ZNHIT6: variants seen among roughly 807,000 people sequenced by gnomAD.
ZNHIT6 encodes box C/D snoRNA protein 1.
ZNHIT6 carries 45 observed loss-of-function variants against 57.2 expected under a neutral mutation model. That is an observed-to-expected ratio of 0.79 (90% CI 0.62 to 1.01). The LOEUF (loss-of-function observed/expected upper bound fraction) is 1.01. ZNHIT6 is among the 50% of genes least tolerant of loss of function. The pLI is 0.00. For synonymous variants in ZNHIT6, 188 were observed against 190.0 expected (o/e 0.99, Z 0.09); for missense variants, 528 against 567.3 (o/e 0.93, Z 0.70).
At chr1:85,654,136 T>C in intron 9 of ZNHIT6, 38 bp from the exon 10 acceptor site, 2 of 1,585,758 alleles carry the variant, frequency 1.3e-6, no homozygotes, top group Non-Finnish European at 1.7e-6. Flanking sequence ...CAAGTGTTTA[T>C]ATTTTTCTGT....
At chr1:85,696,380 C>A (rs1662371357) in intron 5 of ZNHIT6, among the ~76,000 whole-genome samples, 1 of 151,946 alleles carries the variant, frequency 6.6e-6, no homozygotes, top group Non-Finnish European at 1.5e-5. Context: ...TTTCACTGAA[C>A]ATGTCATGGA....
intron 4 of ZNHIT6, among the ~76,000 whole-genome samples, chr1:85,704,326 G>T (rs1395253520): frequency 6.6e-6 from 1 of 152,054 alleles, no homozygotes; most frequent in African/African-American, 2.4e-5. Flanking sequence ...GACAAAAGTA[G>T]TGGCATTGTT....
intron 8 of ZNHIT6, among the ~76,000 whole-genome samples, chr1:85,663,511 T>C (rs565789780): frequency 1.3e-5 from 2 of 152,254 alleles, no homozygotes; most frequent in African/African-American, 2.4e-5. Context: ...TATTCTTCAA[T>C]TGATTGCTCA....
At position 85,696,898 on chromosome 1, in the gene ZNHIT6, G is replaced by A. The variant is rs541366391; in HGVS notation, c.1019+5259C>T. ...GACAGAGTCTGGCTCTGTCTCCCTG[G>A]CTGGAGTGCTGGAGTGCAGTGGCGC... On this transcript the variant is annotated intron_variant, in intron 5 of 9. Coordinates refer to ENST00000370574, the MANE Select transcript of ZNHIT6 (RefSeq NM_017953.4). Among the ~76,000 whole-genome samples, 5 of 144,308 alleles carry A rather than the reference G, an allele frequency of 3.5e-5. No homozygotes were observed. In the Admixed American group the frequency reaches 3.6e-4, roughly 10 times the overall value. The allele number at this position is 144,308 out of a possible 152,430, so 94.7% of individuals were successfully genotyped here.
chr1:85,674,922 G>A (rs1661658799), intron 8 of ZNHIT6, among the ~76,000 whole-genome samples: 1 of 152,150 alleles, frequency 6.6e-6, no homozygotes, highest in African/African-American at 2.4e-5. Context: ...GGGATACTGA[G>A]TATTTTAAAA....
At chr1:85,693,071 A>T (rs9324153) in intron 5 of ZNHIT6, among the ~76,000 whole-genome samples, 2 of 152,000 alleles carry the variant, frequency 1.3e-5, no homozygotes, top group African/African-American at 4.8e-5. Flanking sequence ...TGAAAAGTTA[A>T]GGACTTTCAG....
chr1:85,660,139 A>G (rs1443937413), intron 8 of ZNHIT6, among the ~76,000 whole-genome samples: 2 of 152,244 alleles, frequency 1.3e-5, no homozygotes, highest in African/African-American at 4.8e-5. Flanking sequence ...TTATATAAAA[A>G]AGAAAAATGA....
At chr1:85,699,123 A>G (rs917017987) in intron 5 of ZNHIT6, among the ~76,000 whole-genome samples, 2 of 152,178 alleles carry the variant, frequency 1.3e-5, no homozygotes, top group East Asian at 3.8e-4. Context: ...AGAAAAAAGT[A>G]TTGAAAACTA....
intron 5 of ZNHIT6, among the ~76,000 whole-genome samples, chr1:85,686,352 T>A (rs955695865): frequency 2.5e-4 from 38 of 152,258 alleles, no homozygotes; most frequent in African/African-American, 8.9e-4. Context: ...AAAATATATA[T>A]TTCTCTTTTT....
At chr1:85,677,557 A>G (rs1321887936) in intron 7 of ZNHIT6, among the ~76,000 whole-genome samples, 1 of 152,230 alleles carries the variant, frequency 6.6e-6, no homozygotes, top group Non-Finnish European at 1.5e-5. Flanking sequence ...ATATAATTTT[A>G]CAAAAATGTA....
At chr1:85,660,359 A>T (rs377702869) in intron 8 of ZNHIT6, among the ~76,000 whole-genome samples, 240 of 152,232 alleles carry the variant, frequency 1.6e-3, no homozygotes, top group Middle Eastern at 0.01. Context: ...CAAATAAGGG[A>T]ATGTTTTTTA....
chr1:85,700,545 C>A (rs547164385), intron 5 of ZNHIT6, among the ~76,000 whole-genome samples: 1 of 152,148 alleles, frequency 6.6e-6, no homozygotes, highest in South Asian at 2.1e-4. Context: ...AAAAACTTCC[C>A]GCATACATTC....
In ZNHIT6 at chr1:85,680,858, G is replaced by T; in HGVS notation, c.1066C>A (p.Gln356Lys). The change falls in exon 6 of 10, where the codon CAA becomes AAA. Residue 356 changes from glutamine to lysine, a missense_variant. Transcript: ENST00000370574. Reference sequence around the variant, plus strand: ...TACCTTTTTTCTATGTACTCAGCTTGACTTTGAGGAAACTGGAGCTTCACA... The same window carrying T: ...TACCTTTTTTCTATGTACTCAGCTTTACTTTGAGGAAACTGGAGCTTCACA... ...WHVKLQFPQS[Q>K]AEYIEKRVPD... is the part of the protein sequence containing the mutation. 6.2e-7 allele frequency: 1 copy of T among 1,612,628 alleles called. No individual in the cohort carries two copies. The highest frequency in any genetic ancestry group is 1.1e-5 in the South Asian group (1 of 90,708).
chr1:85,695,555 T>C (rs558419076), intron 5 of ZNHIT6, among the ~76,000 whole-genome samples: 2 of 152,232 alleles, frequency 1.3e-5, no homozygotes, highest in East Asian at 3.9e-4. Context: ...AAAAAACAAA[T>C]AATTGATTAA....
At chr1:85,669,124 T>C (rs1661476004) in intron 8 of ZNHIT6, among the ~76,000 whole-genome samples, 1 of 152,260 alleles carries the variant, frequency 6.6e-6, no homozygotes. Context: ...AGAAGCATTG[T>C]TCTGAAAAGA....
chr1:85,672,856 C>T (rs1048599389), intron 8 of ZNHIT6, among the ~76,000 whole-genome samples: 1 of 146,600 alleles, frequency 6.8e-6, no homozygotes, highest in African/African-American at 2.5e-5. Flanking sequence ...ACATAAAAAA[C>T]AAAATGTATC....
At chr1:85,702,299 T>C (rs900316940) in intron 4 of ZNHIT6, 39 bp from the exon 5 acceptor site, 2 of 1,241,662 alleles carry the variant, frequency 1.6e-6, no homozygotes, top group Admixed American at 4.2e-5. Context: ...AATTTTTAAA[T>C]TCCTTAAATT....
At chr1:85,695,373 A>G (rs993209994) in intron 5 of ZNHIT6, among the ~76,000 whole-genome samples, 6 of 152,218 alleles carry the variant, frequency 3.9e-5, no homozygotes, top group African/African-American at 1.2e-4. Flanking sequence ...AAATGATCCT[A>G]AAAAGGTCTG....
chr1:85,660,492 C>T (rs992170572), intron 8 of ZNHIT6, among the ~76,000 whole-genome samples: 2 of 152,036 alleles, frequency 1.3e-5, no homozygotes, highest in Admixed American at 1.3e-4. Flanking sequence ...AACCAAGAAG[C>T]AACAAAAAGA....
Sources: allele counts gnomAD v4.1 joint callset (sites outside exome capture counted in the v4.1 genomes callset), GRCh38; gene constraint gnomAD v4.1.1; transcripts MANE v1.5; gene names NCBI Gene and HGNC (gene_info 2026-07-23, HGNC 2026-07-21).